The following TRIM69 variants were observed in gnomAD, a reference collection of about 807,000 sequenced individuals.
TRIM69 encodes the protein E3 ubiquitin-protein ligase TRIM69.
TRIM69 carries 29 observed loss-of-function variants against 37.7 expected under a neutral mutation model. That is an observed-to-expected ratio of 0.77 (90% CI 0.57 to 1.05). The LOEUF (loss-of-function observed/expected upper bound fraction) is 1.05. TRIM69 is among the 50% of genes least tolerant of loss of function. TRIM69 has a pLI of 0.00. For synonymous variants in TRIM69, 209 were observed against 212.4 expected (o/e 0.98, Z 0.14); for missense variants, 596 against 579.9 (o/e 1.03, Z -0.28).
intron 6 of TRIM69, among the ~76,000 whole-genome samples, chr15:44,766,478 G>T (rs575902325): frequency 6.6e-6 from 1 of 152,252 alleles, no homozygotes; most frequent in South Asian, 2.1e-4. Context: ...CCACACAGGG[G>T]ACTGTTTTTA....
chr15:44,744,564 G>T (rs2087363022), intron 1 of TRIM69, among the ~76,000 whole-genome samples: 1 of 152,048 alleles, frequency 6.6e-6, no homozygotes, highest in Non-Finnish European at 1.5e-5. Flanking sequence ...CTAATCAAAA[G>T]CTTACAGCAA....
At chr15:44,749,923 G>C (rs1403978551) in intron 1 of TRIM69, among the ~76,000 whole-genome samples, 1 of 152,178 alleles carries the variant, frequency 6.6e-6, no homozygotes, top group African/African-American at 2.4e-5. Context: ...GGCAATACAA[G>C]TGAGTGTGAA....
At position 44,758,829 on chromosome 15, in the gene TRIM69, A is replaced by G. The variant is rs143370252; in HGVS notation, c.788A>G (p.Gln263Arg). The G allele has an allele frequency of 1.2e-6, 2 of 1,613,746 alleles. No homozygotes were observed. The highest frequency in any genetic ancestry group is 1.7e-5 in the Admixed American group (1 of 59,928). Residue 263 changes from glutamine (Q) to arginine (R), a missense_variant, in exon 4 of 7, where the codon CAA (glutamine) becomes CGA (arginine). Physicochemically the swap from Gln to Arg is conservative, Grantham distance 43. Transcript: ENST00000329464. ...GTGAGCATTCAGGCAAAGACGGAAC[A>G]ACAGAACTCCTTCGACTTTCTCAAA... is the stretch of plus-strand genomic sequence containing the variant. Reference protein sequence around the residue: ...MLVSIQAKTEQQNSFDFLKDI... With the variant: ...MLVSIQAKTERQNSFDFLKDI...
Position 44,752,770 on chromosome 15 carries a change from T to C in TRIM69, c.7-2130T>C, listed in dbSNP as rs370243791. The C allele has an allele frequency of 5.3e-5, 8 of 152,284 alleles. No homozygotes were observed. In the East Asian group the frequency reaches 1.2e-3, roughly 22 times the overall value. The allele number at this position is 152,284 out of a possible 1,614,324, so 9.4% of individuals were successfully genotyped here. A position where few individuals can be genotyped will look rare whatever the true frequency, so the allele number is the denominator to read the frequency against. On this transcript the variant is annotated intron_variant, in intron 1 of 6. Transcript: ENST00000329464. ...TTGATTCTTCTCTTTTCTTTTTCTT[T>C]ATATTGCTTAGTAGTTTTTTCTTTA...
At chr15:44,766,392 C>T (rs576927507) in intron 6 of TRIM69, among the ~76,000 whole-genome samples, 1 of 152,304 alleles carries the variant, frequency 6.6e-6, no homozygotes, top group African/African-American at 2.4e-5. Flanking sequence ...ATAAACCTCT[C>T]ACTATTGTCC....
At chr15:44,757,514 A>C (rs2087676995) in intron 3 of TRIM69, 1 of 152,196 alleles carries the variant, frequency 6.6e-6, no homozygotes, top group Non-Finnish European at 1.5e-5. Flanking sequence ...GGAATAGAAA[A>C]GAGTATCTGG....
Position 44,758,845 on chromosome 15 carries a change from CTT to C in TRIM69, c.806_807del (p.Phe269SerfsTer10). 6.2e-7 allele frequency: 1 copy of C among 1,612,284 alleles called. No individual in the cohort carries two copies. The highest frequency in any genetic ancestry group is 1.1e-5 in the South Asian group (1 of 90,668). On this transcript the variant is annotated frameshift_variant, in exon 4 of 7. Transcript: ENST00000329464. LOFTEE classifies it high-confidence loss of function. ...AKTEQQNSFDFLKDITTLLHS... is the reference protein window; with the variant it reads ...AKTEQQNSFDXLKDITTLLHS... The stretch of plus-strand genomic sequence containing the variant: ...AGACGGAACAACAGAACTCCTTCGA[CTT>C]TCTCAAAGTGAGAATCCACACCAAT...
chr15:44,751,740 G>C lies in TRIM69; in HGVS notation c.7-3160G>C, dbSNP rs540591057. The stretch of plus-strand genomic sequence containing the variant: ...TGTATCCCATAAGTTTTGACATGCT[G>C]TGTGTTTTTGTTTATTTGTTTTTGA... On this transcript the variant is annotated intron_variant, in intron 1 of 6. Transcript: ENST00000329464. Among the ~76,000 whole-genome samples the C allele has an allele frequency of 7.2e-5, 11 of 152,132 alleles. No individual in the cohort carries two copies. In the South Asian group the frequency reaches 2.3e-3, roughly 32 times the overall value.
chr15:44,762,034 C>T (rs28857509), intron 6 of TRIM69, among the ~76,000 whole-genome samples: 8,281 of 151,994 alleles, frequency 0.054, 243 homozygotes, highest in Non-Finnish European at 0.062. Context: ...GGTGCAATCT[C>T]GGCTCACTGC....
chr15:44,764,398 T>C (rs3110673), intron 6 of TRIM69, among the ~76,000 whole-genome samples: 5,836 of 152,332 alleles, frequency 0.038, 343 homozygotes, highest in African/African-American at 0.13. Context: ...TTGTAAAATA[T>C]ATTCCATACT....
rs150888032 is a variant in TRIM69 at position 44,755,711 on chromosome 15, A to G, written c.483+335A>G. Among the ~76,000 whole-genome samples, 508 of 152,372 alleles carry G rather than the reference A, an allele frequency of 3.3e-3. 2 individuals carry two copies. The highest frequency in any genetic ancestry group is 0.012 in the African/African-American group (485 of 41,590). On this transcript the variant is annotated intron_variant, in intron 2 of 6. Coordinates refer to ENST00000329464, the MANE Select transcript of TRIM69 (RefSeq NM_182985.5). Reference sequence around the variant, plus strand: ...AATTTGGTTAAGTTTAAAATGAAGAAAACAACAGAAGCAATATTAAGATAG... The same window carrying G: ...AATTTGGTTAAGTTTAAAATGAAGAGAACAACAGAAGCAATATTAAGATAG...
chr15:44,756,536 A>C (rs948659235), intron 3 of TRIM69, 73 bp downstream of exon 3: 1 of 1,007,288 alleles, frequency 9.9e-7, no homozygotes, highest in Admixed American at 2.2e-5. Flanking sequence ...CTATGGGTAC[A>C]AAGGTGCCTA....
chr15:44,741,837 C>T (rs1203005841), intron 1 of TRIM69, among the ~76,000 whole-genome samples: 1 of 151,374 alleles, frequency 6.6e-6, no homozygotes, highest in Non-Finnish European at 1.5e-5. Context: ...AGCTTACCAA[C>T]CAAAAAGAGT....
rs769704153 is a variant in TRIM69, at chr15:44,755,236, T to A, written c.343T>A (p.Cys115Ser). The A allele has an allele frequency of 3.7e-6, 6 of 1,614,202 alleles. No homozygotes were observed. The South Asian group carries it at 4.4e-5, about 12-fold the overall frequency. ...ACCCTTACTCAAGGGCCATCCACAG[T>A]GCCCAGAGCATGGAGAGAACCTGAA... ...KLPLLKGHPQ[C>S]PEHGENLKLF... The change falls in exon 2 of 7, where the codon TGC becomes AGC. Residue 115 changes from cysteine (C) to serine (S), a missense_variant. Coordinates refer to ENST00000329464, the MANE Select transcript of TRIM69 (RefSeq NM_182985.5).
rs1024732859 is a variant in TRIM69 at position 44,767,327 on chromosome 15, T to G, written c.1058T>G (p.Ile353Arg). 1.8e-5 allele frequency: 29 copies of G among 1,613,978 alleles called. No individual in the cohort carries two copies. The highest frequency in any genetic ancestry group is 2.5e-5 in the Non-Finnish European group (29 of 1,180,036). The change falls in exon 7 of 7, where the codon ATA (isoleucine) becomes AGA (arginine). Residue 353 changes from isoleucine to arginine, a missense_variant. By Grantham distance (97) the Ile-to-Arg change is moderately conservative. Coordinates refer to ENST00000329464, the MANE Select transcript of TRIM69 (RefSeq NM_182985.5). Reference sequence around the variant, plus strand: ...GTCTGGCATGGTGACATTAAGAAGATAATGCCTGATGATCCTGAGAGGTTT... The same window carrying G: ...GTCTGGCATGGTGACATTAAGAAGAGAATGCCTGATGATCCTGAGAGGTTT... ...TSVWHGDIKK[I>R]MPDDPERFDS...
At chr15:44,756,569 A>G (rs1227253582) in intron 3 of TRIM69, 106 bp downstream of exon 3, 16 of 702,954 alleles carry the variant, frequency 2.3e-5, no homozygotes, top group Non-Finnish European at 3.1e-5. Context: ...TACACACTAA[A>G]TGGTACCTAG....
chr15:44,767,747 C>G lies in TRIM69; in HGVS notation c.1478C>G (p.Pro493Arg). 1.9e-6 allele frequency: 3 copies of G among 1,612,734 alleles called. No individual in the cohort carries two copies. In the South Asian group the frequency reaches 3.3e-5, roughly 18 times the overall value. Residue 493 changes from proline to arginine, a missense_variant, in exon 7 of 7, where the codon CCA (proline) becomes CGA (arginine). By Grantham distance (103) the Pro-to-Arg change is moderately radical. Coordinates refer to ENST00000329464, the MANE Select transcript of TRIM69 (RefSeq NM_182985.5). ...AATGATGGTGGAGAGAATAAAGAAC[C>G]ATTGCACATCTTACATCCACAGTAA... is the stretch of plus-strand genomic sequence containing the variant. ...CLNDGGENKE[P>R]LHILHPQ
At chr15:44,752,102 T>C (rs527592633) in intron 1 of TRIM69, among the ~76,000 whole-genome samples, 1 of 152,286 alleles carries the variant, frequency 6.6e-6, no homozygotes, top group East Asian at 1.9e-4. Context: ...ATATTACTTA[T>C]AATTTCTTCT....
intron 6 of TRIM69, among the ~76,000 whole-genome samples, chr15:44,762,188 G>T (rs572869850): frequency 1.3e-5 from 2 of 152,058 alleles, no homozygotes; most frequent in African/African-American, 4.8e-5. Context: ...GGATGGTCTC[G>T]ATCACCTGAC....
Sources: gnomAD v4.1 joint callset for allele counts (sites outside exome capture counted in the v4.1 genomes callset) on GRCh38, gnomAD v4.1.1 for gene constraint, MANE v1.5 for transcripts, NCBI Gene and HGNC (gene_info 2026-07-23, HGNC 2026-07-21) for gene names.